KLHL8: variants seen among roughly 807,000 people sequenced by gnomAD.
The protein encoded by KLHL8 is kelch-like protein 8.
A neutral mutation model predicts 63.5 loss-of-function variants in KLHL8; 38 were observed. The observed-to-expected ratio is 0.60, with a 90% confidence interval of 0.46 to 0.78. The LOEUF is 0.78. KLHL8 is among the 30% of genes least tolerant of loss of function. The pLI is 0.00. For synonymous variants in KLHL8, 224 were observed against 254.3 expected (o/e 0.88, Z 1.13); for missense variants, 566 against 752.4 (o/e 0.75, Z 2.90).
intron 4 of KLHL8, among the ~76,000 whole-genome samples, chr4:87,178,992 A>G (rs774371956): frequency 1.3e-5 from 2 of 152,132 alleles, no homozygotes; most frequent in Non-Finnish European, 2.9e-5. Flanking sequence ...CTTGATTTCT[A>G]TATCAGTCTC....
At chr4:87,186,958 T>C (rs568141838) in intron 2 of KLHL8, among the ~76,000 whole-genome samples, 7 of 146,512 alleles carry the variant, frequency 4.8e-5, no homozygotes, top group Non-Finnish European at 7.4e-5. Flanking sequence ...TGAAATGATA[T>C]AGCTCACATA....
chr4:87,182,580 A>C (rs1413404356), intron 4 of KLHL8, among the ~76,000 whole-genome samples: 2 of 152,156 alleles, frequency 1.3e-5, no homozygotes, highest in Non-Finnish European at 2.9e-5. Context: ...TTTTATTAAA[A>C]AGTGATACTT....
At chr4:87,219,339 A>G (rs1732728190) in intron 1 of KLHL8, among the ~76,000 whole-genome samples, 1 of 152,222 alleles carries the variant, frequency 6.6e-6, no homozygotes, top group Non-Finnish European at 1.5e-5. Context: ...TAGAGAGAGA[A>G]TAAAGAACAC....
At chr4:87,214,458 AT>A (rs1359611340) in intron 1 of KLHL8, among the ~76,000 whole-genome samples, 155 of 126,336 alleles carry the variant, frequency 1.2e-3, no homozygotes, top group African/African-American at 4.5e-3. Flanking sequence ...ATATATATAT[AT>A]AATTGTCATC....
intron 1 of KLHL8, among the ~76,000 whole-genome samples, chr4:87,219,156 T>C (rs1459634505): frequency 6.6e-6 from 1 of 152,190 alleles, no homozygotes; most frequent in Non-Finnish European, 1.5e-5. Context: ...CTGGGTCAGT[T>C]TGACAAATTA....
chr4:87,192,885 G>A (rs1197476023), intron 2 of KLHL8, among the ~76,000 whole-genome samples: 5 of 152,120 alleles, frequency 3.3e-5, no homozygotes, highest in Non-Finnish European at 7.4e-5. Flanking sequence ...GAAAGGTACA[G>A]TAAAAATACA....
chr4:87,170,725 TATA>T, intron 6 of KLHL8, 110 bp from the exon 7 acceptor site: 1 of 930,050 alleles, frequency 1.1e-6, no homozygotes, highest in Non-Finnish European at 1.6e-6. Context: ...CTTCAAACAG[TATA>T]GTTTGTTTCC....
intron 6 of KLHL8, among the ~76,000 whole-genome samples, chr4:87,172,357 C>T (rs1730667542): frequency 6.6e-6 from 1 of 152,164 alleles, no homozygotes. Context: ...CAGACAAAAG[C>T]CTAGCCCAAT....
At chr4:87,202,563 C>T (rs1731962164) in intron 1 of KLHL8, among the ~76,000 whole-genome samples, 1 of 152,198 alleles carries the variant, frequency 6.6e-6, no homozygotes, top group Non-Finnish European at 1.5e-5. Context: ...ATGAAAAATT[C>T]TACACACATA....
chr4:87,174,283 G>GT (rs1183938505), intron 6 of KLHL8, among the ~76,000 whole-genome samples: 122 of 146,254 alleles, frequency 8.3e-4, no homozygotes, highest in Middle Eastern at 6.9e-3. Context: ...TCACCTGCAA[G>GT]TTTTTTTTTT....
chr4:87,171,096 G>A (rs1013825596), intron 6 of KLHL8, among the ~76,000 whole-genome samples: 6 of 151,898 alleles, frequency 4.0e-5, no homozygotes, highest in African/African-American at 1.2e-4. Context: ...TTTATGTCAC[G>A]TTGCTTTATT....
chr4:87,214,456 AT>A (rs1560716512), intron 1 of KLHL8, among the ~76,000 whole-genome samples: 155 of 118,114 alleles, frequency 1.3e-3, no homozygotes, highest in African/African-American at 5.0e-3. Context: ...ATATATATAT[AT>A]ATAATTGTCA....
intron 6 of KLHL8, among the ~76,000 whole-genome samples, chr4:87,174,028 T>C (rs184354569): frequency 7.9e-4 from 120 of 152,180 alleles, no homozygotes; most frequent in African/African-American, 2.7e-3. Flanking sequence ...TAATCAAAAA[T>C]AGAAAATTAG....
intron 1 of KLHL8, chr4:87,207,738 A>T (rs376416016): frequency 1.2e-6 from 1 of 863,922 alleles, no homozygotes; most frequent in Non-Finnish European, 2.0e-6. Context: ...AGGCTGTGGG[A>T]AAGGCCCTCT....
chr4:87,214,457 T>TATAA (rs1560716520), intron 1 of KLHL8, among the ~76,000 whole-genome samples: 11 of 121,204 alleles, frequency 9.1e-5, no homozygotes, highest in African/African-American at 9.5e-5. Context: ...TATATATATA[T>TATAA]ATAATTGTCA....
At chr4:87,187,443 A>G (rs550030505) in intron 2 of KLHL8, among the ~76,000 whole-genome samples, 2 of 146,718 alleles carry the variant, frequency 1.4e-5, no homozygotes, top group South Asian at 2.2e-4. Context: ...ATAAATTTTG[A>G]GCTATTTGTA....
At chr4:87,195,291 G>C (rs1051125718) in intron 2 of KLHL8, 33 bp downstream of exon 2, 2 of 1,556,922 alleles carry the variant, frequency 1.3e-6, no homozygotes, top group African/African-American at 2.7e-5. Context: ...ACACTGAAGA[G>C]GCCTGAGAAA....
rs1236130910 is a variant in KLHL8, at chr4:87,220,569, G to A, written c.-303C>T. ...CTCCTGCGCGGCCCCGCGGAGCCCC[G>A]GCGGGCGCTTGGCGTCCTCTCGCCT... On this transcript the variant is annotated 5_prime_UTR_variant, in exon 1 of 10. Coordinates refer to ENST00000273963, the MANE Select transcript of KLHL8 (RefSeq NM_020803.5). 6.6e-6 allele frequency: 1 copy of A among 152,056 alleles called. No homozygotes were observed. The highest frequency in any genetic ancestry group is 1.5e-5 in the Non-Finnish European group (1 of 68,010). 9.4% of individuals were successfully genotyped at this position (152,056 alleles called of 1,614,324 possible).
In KLHL8 at chr4:87,196,328, A is replaced by G. The variant is rs138443125; in HGVS notation, c.-151-638T>C. ...TGAAATTACTGGAATAGAGATATAC[A>G]GTAAAACACTAGTATAGCTGCCTTC... On this transcript the variant is annotated intron_variant, in intron 1 of 9. Transcript: ENST00000273963. 4.3e-3 allele frequency among the ~76,000 whole-genome samples: 657 copies of G among 152,328 alleles called. 5 individuals are homozygous for G. The highest frequency in any genetic ancestry group is 0.015 in the African/African-American group (631 of 41,576).
Sources: gnomAD v4.1 joint callset for allele counts (sites outside exome capture counted in the v4.1 genomes callset) on GRCh38, gnomAD v4.1.1 for gene constraint, MANE v1.5 for transcripts, NCBI Gene and HGNC (gene_info 2026-07-23, HGNC 2026-07-21) for gene names.